Variants in SERPINA11 observed in about 807,000 individuals in gnomAD.
SERPINA11 encodes serpin A11.
Under a neutral mutation model 29.4 loss-of-function variants are expected in SERPINA11, and 28 were observed. That is an observed-to-expected ratio of 0.95 (90% CI 0.70 to 1.30). The LOEUF is 1.30. SERPINA11 is among the 50% of genes most tolerant of loss of function. The pLI is 0.00. For synonymous variants in SERPINA11, 253 were observed against 206.6 expected (o/e 1.22, Z -1.92); for missense variants, 530 against 507.3 (o/e 1.04, Z -0.43).
At position 94,443,142 on chromosome 14, in the gene SERPINA11, T is replaced by A; in HGVS notation, c.1001A>T (p.Asn334Ile). The change falls in exon 4 of 5, where the codon AAC becomes ATC. Residue 334 changes from asparagine to isoleucine, a missense_variant. Physicochemically the swap from Asn to Ile is moderately radical, Grantham distance 149. Coordinates refer to ENST00000334708, the MANE Select transcript of SERPINA11 (RefSeq NM_001080451.2). ...GAAGTCAGCTTCTAAGTTGAGTATG[T>A]TGGTGAGACCAATTTGGGGAAGTAT... ...EDILPQIGLT[N>I]ILNLEADFSG... is the part of the protein sequence containing the mutation. 1.9e-6 allele frequency: 3 copies of A among 1,614,138 alleles called. No individual in the cohort carries two copies. The highest frequency in any genetic ancestry group is 2.5e-6 in the Non-Finnish European group (3 of 1,179,992).
intron 1 of SERPINA11, among the ~76,000 whole-genome samples, chr14:94,449,415 T>C (rs1898525271): frequency 2.3e-5 from 1 of 42,738 alleles, no homozygotes; most frequent in African/African-American, 1.3e-4. Context: ...TATTCTTTCT[T>C]TCTTTCTTTC....
intron 1 of SERPINA11, among the ~76,000 whole-genome samples, chr14:94,449,501 CTCTT>C (rs145017389): frequency 8.7e-6 from 1 of 114,982 alleles, no homozygotes; most frequent in African/African-American, 4.4e-5. Context: ...GTCTTTCTTT[CTCTT>C]TCTTTTTCTT....
At chr14:94,445,252 A>G (rs1898412706) in intron 3 of SERPINA11, among the ~76,000 whole-genome samples, 1 of 152,154 alleles carries the variant, frequency 6.6e-6, no homozygotes, top group Non-Finnish European at 1.5e-5. Context: ...CAAGGAAGTG[A>G]TTGTCTTAAG....
At position 94,445,987 on chromosome 14, in the gene SERPINA11, C is replaced by T. The variant is rs151320861; in HGVS notation, c.917+344G>A. ...AGGGTGTGGTGGGGAGAGAGGAAAGCAAGAGGAAAGGAGATGGGGATCAGA... is the reference window on the plus strand; with the variant it reads ...AGGGTGTGGTGGGGAGAGAGGAAAGTAAGAGGAAAGGAGATGGGGATCAGA... On this transcript the variant is annotated intron_variant, in intron 3 of 4. Coordinates refer to ENST00000334708, the MANE Select transcript of SERPINA11 (RefSeq NM_001080451.2). 1.2e-3 allele frequency among the ~76,000 whole-genome samples: 188 copies of T among 152,072 alleles called. No homozygotes were observed. The Middle Eastern group carries it at 0.024, about 19-fold the overall frequency.
chr14:94,452,264 T>C (rs1898600304), intron 1 of SERPINA11, among the ~76,000 whole-genome samples: 1 of 152,126 alleles, frequency 6.6e-6, no homozygotes, highest in Non-Finnish European at 1.5e-5. Flanking sequence ...AGCCCTACTG[T>C]ACACAGGGAA....
chr14:94,450,940 G>A (rs1361944826), intron 1 of SERPINA11, among the ~76,000 whole-genome samples: 1 of 152,040 alleles, frequency 6.6e-6, no homozygotes, highest in African/African-American at 2.4e-5. Flanking sequence ...TTGCTACTGG[G>A]ACCCTCCCAA....
intron 1 of SERPINA11, among the ~76,000 whole-genome samples, chr14:94,451,357 G>A (rs1240071489): frequency 1.3e-5 from 2 of 152,108 alleles, no homozygotes; most frequent in African/African-American, 4.8e-5. Flanking sequence ...AGCACAGTGT[G>A]GGTTCACTTA....
chr14:94,447,763 G>GT (rs35100186), intron 2 of SERPINA11, among the ~76,000 whole-genome samples: 2 of 152,022 alleles, frequency 1.3e-5, no homozygotes, highest in African/African-American at 4.8e-5. Flanking sequence ...AGATATGCTA[G>GT]TTTTTTTCAA....
In SERPINA11 at chr14:94,443,137, G is replaced by C; in HGVS notation, c.1006C>G (p.Leu336Val). 1.9e-6 allele frequency: 3 copies of C among 1,614,082 alleles called. No individual in the cohort carries two copies. Among genetic ancestry groups the C allele is most frequent in the Non-Finnish European group, 2.5e-6 (3 of 1,179,968 alleles). ...ILPQIGLTNI[L>V]NLEADFSGVT... ...CCTGAGAAGTCAGCTTCTAAGTTGA[G>C]TATGTTGGTGAGACCAATTTGGGGA... The change falls in exon 4 of 5, where the codon CTC becomes GTC. Residue 336 changes from leucine to valine, a missense_variant. Coordinates refer to ENST00000334708, the MANE Select transcript of SERPINA11 (RefSeq NM_001080451.2).
At chr14:94,443,708 C>T (rs1169655479) in intron 3 of SERPINA11, among the ~76,000 whole-genome samples, 3 of 152,212 alleles carry the variant, frequency 2.0e-5, no homozygotes, top group African/African-American at 7.2e-5. Context: ...CACCCATCTC[C>T]ACTTCAGGTT....
chr14:94,443,986 T>C (rs2139774163), intron 3 of SERPINA11, among the ~76,000 whole-genome samples: 1 of 152,350 alleles, frequency 6.6e-6, no homozygotes, highest in African/African-American at 2.4e-5. Flanking sequence ...GACTAGTTCA[T>C]AACCAACTTG....
At position 94,448,351 on chromosome 14, in the gene SERPINA11, A is replaced by G. The variant is rs761350932; in HGVS notation, c.424T>C (p.Phe142Leu). 4 of 1,614,090 alleles carry G rather than the reference A, an allele frequency of 2.5e-6. No homozygotes were observed. The highest frequency in any genetic ancestry group is 1.1e-5 in the South Asian group (1 of 91,088). ...KLELKVGNSL[F>L]LDKRLKPRQH... ...CGAGGCTTTAGTCGCTTGTCTAGGA[A>G]CAGGGAGTTTCCTACTTTTAGTTCG... Residue 142 changes from phenylalanine (F) to leucine (L), a missense_variant, in exon 2 of 5, where the codon TTC (phenylalanine) becomes CTC (leucine). Phe to Leu is a conservative substitution (Grantham distance 22). Transcript: ENST00000334708.
Position 94,448,500 on chromosome 14 carries a change from T to C in SERPINA11, c.275A>G (p.Gln92Arg). ...TTLALLSLGA[Q>R]ANTSALILEG... is the part of the protein sequence containing the mutation. Reference sequence around the variant, plus strand: ...CAGGATCAGAGCTGAGGTGTTAGCTTGGGCCCCAAGAGAGAGCAGGGCCAG... The same window carrying C: ...CAGGATCAGAGCTGAGGTGTTAGCTCGGGCCCCAAGAGAGAGCAGGGCCAG... Residue 92 changes from glutamine (Q) to arginine (R), a missense_variant, in exon 2 of 5, where the codon CAA becomes CGA. Transcript: ENST00000334708. 1.2e-6 allele frequency: 2 copies of C among 1,614,160 alleles called. No individual in the cohort carries two copies. The highest frequency in any genetic ancestry group is 1.7e-6 in the Non-Finnish European group (2 of 1,180,026).
rs184631809 is a variant in SERPINA11 at position 94,448,153 on chromosome 14, C to A, written c.622G>T (p.Ala208Ser). ...TCACCTTTGAAGAAGATGTAATTGG[C>A]AAGAACCATGAACGTGTCCTGGCTG... ...EFSQDTFMVL[A>S]NYIFFKAKWK... is the part of the protein sequence containing the mutation. Residue 208 changes from alanine (A) to serine (S), a missense_variant, in exon 2 of 5, where the codon GCC (alanine) becomes TCC (serine). Ala to Ser is a moderately conservative substitution (Grantham distance 99). Transcript: ENST00000334708. 6.2e-7 allele frequency: 1 copy of A among 1,613,834 alleles called. No individual in the cohort carries two copies.
chr14:94,449,265 G>T (rs771034453), intron 1 of SERPINA11, among the ~76,000 whole-genome samples: 26 of 152,052 alleles, frequency 1.7e-4, no homozygotes, highest in Non-Finnish European at 3.5e-4. Flanking sequence ...GGGCCTGGGG[G>T]GTCTAGGCTG....
At chr14:94,442,937 A>G (rs1595651933) in intron 4 of SERPINA11, 128 bp from the exon 5 acceptor site, 3 of 1,260,316 alleles carry the variant, frequency 2.4e-6, no homozygotes, top group East Asian at 4.7e-5. Flanking sequence ...GCCCATGAAG[A>G]GATGCCTTAA....
intron 3 of SERPINA11, among the ~76,000 whole-genome samples, chr14:94,445,540 A>G (rs730383): frequency 0.4 from 60,979 of 152,004 alleles, 13,375 homozygotes; most frequent in African/African-American, 0.59. Context: ...TTTAATTAAA[A>G]TAGAAGCACC....
chr14:94,448,805 T>G (rs374613879), intron 1 of SERPINA11, 28 bp from the exon 2 acceptor site: 17 of 1,496,898 alleles, frequency 1.1e-5, no homozygotes, highest in Non-Finnish European at 1.5e-5. Flanking sequence ...AACATGTCAC[T>G]TTTCTCCATA....
rs1464348288 is a variant in SERPINA11, at chr14:94,446,319, T to G, written c.917+12A>C. ...GCAAGGTCAGCCAGCATCCTTCTGCTGTGACACTTACCTGGGCAGGAGCAA... is the reference window on the plus strand; with the variant it reads ...GCAAGGTCAGCCAGCATCCTTCTGCGGTGACACTTACCTGGGCAGGAGCAA... On this transcript the variant is annotated intron_variant, in intron 3 of 4. Coordinates refer to ENST00000334708, the MANE Select transcript of SERPINA11 (RefSeq NM_001080451.2). 6.2e-7 allele frequency: 1 copy of G among 1,609,470 alleles called. No individual in the cohort carries two copies. The highest frequency in any genetic ancestry group is 8.5e-7 in the Non-Finnish European group (1 of 1,178,530).
Sources: allele counts gnomAD v4.1 joint callset (sites outside exome capture counted in the v4.1 genomes callset), GRCh38; gene constraint gnomAD v4.1.1; transcripts MANE v1.5; gene names NCBI Gene and HGNC (gene_info 2026-07-23, HGNC 2026-07-21).